The following GFRA1 variants were observed in gnomAD, a reference collection of about 807,000 sequenced individuals.
The protein encoded by GFRA1 is GDNF family receptor alpha 1.
In GFRA1, 16 loss-of-function variants were observed where a neutral mutation model predicts 51.6. The observed-to-expected ratio is 0.31, with a 90% CI of 0.21 to 0.47. GFRA1 has a LOEUF of 0.47. Ranked by LOEUF, GFRA1 falls within the 20% of genes least tolerant of loss-of-function variation. The probability of loss-of-function intolerance (pLI) is 1.00; values close to 1 mark genes in which losing one functional copy is unlikely to be tolerated. For synonymous variants in GFRA1, 270 were observed against 241.3 expected (o/e 1.12, Z -1.10); for missense variants, 530 against 594.3 (o/e 0.89, Z 1.13).
chr10:116,245,944 G>A (rs1967831565), intron 4 of GFRA1, among the ~76,000 whole-genome samples: 1 of 152,148 alleles, frequency 6.6e-6, no homozygotes, highest in Non-Finnish European at 1.5e-5. Context: ...GATAAACAGG[G>A]GAAGCCCAGG....
chr10:116,244,275 T>C (rs1447089366), intron 4 of GFRA1, among the ~76,000 whole-genome samples: 2 of 134,220 alleles, frequency 1.5e-5, no homozygotes, highest in South Asian at 4.7e-4. Context: ...ATAGAAACTA[T>C]AGAAACTTAT....
intron 5 of GFRA1, among the ~76,000 whole-genome samples, chr10:116,169,222 G>A (rs1421046044): frequency 6.6e-6 from 1 of 152,210 alleles, no homozygotes; most frequent in African/African-American, 2.4e-5. Context: ...CCCCTGACTT[G>A]ATGACTAGAG....
chr10:116,178,851 T>A (rs1416793045), intron 5 of GFRA1, among the ~76,000 whole-genome samples: 1 of 152,192 alleles, frequency 6.6e-6, no homozygotes, highest in Non-Finnish European at 1.5e-5. Flanking sequence ...TGGGATCATC[T>A]TCTCTGGGGC....
chr10:116,208,995 T>C (rs146714813), intron 5 of GFRA1, among the ~76,000 whole-genome samples: 2 of 152,286 alleles, frequency 1.3e-5, no homozygotes, highest in East Asian at 3.9e-4. Flanking sequence ...CAATTAAGGC[T>C]CCTTGAAAAC....
chr10:116,090,831 A>C lies in GFRA1; in HGVS notation c.1016-909T>G, dbSNP rs74158566. Among the ~76,000 whole-genome samples the C allele has an allele frequency of 7.9e-3, 1,199 of 152,258 alleles. 16 individuals are homozygous for C. The highest frequency in any genetic ancestry group is 0.027 in the African/African-American group (1,142 of 41,534). On this transcript the variant is annotated intron_variant, in intron 8 of 10. Coordinates refer to ENST00000355422, the MANE Select transcript of GFRA1 (RefSeq NM_005264.8). ...TATGACTCTTAGTTGGCATTTTTCTATATACAAGACAGAATAATTTAAGCC... is the reference window on the plus strand; with the variant it reads ...TATGACTCTTAGTTGGCATTTTTCTCTATACAAGACAGAATAATTTAAGCC...
In GFRA1 at chr10:116,125,404, A is replaced by G; in HGVS notation, c.587T>C (p.Leu196Pro). The change falls in exon 6 of 11, where the codon CTC (leucine) becomes CCC (proline). Residue 196 changes from leucine to proline, a missense_variant. Physicochemically the swap from Leu to Pro is moderately conservative, Grantham distance 98 (BLOSUM62 -3). Coordinates refer to ENST00000355422, the MANE Select transcript of GFRA1 (RefSeq NM_005264.8). Reference sequence around the variant, plus strand: ...CGGGACCTTGTCAAAGAACTGCCGGAGGGCCTTGTGGCACTTGCGGCGGTT... The same window carrying G: ...CGGGACCTTGTCAAAGAACTGCCGGGGGGCCTTGTGGCACTTGCGGCGGTT... ...VCNRRKCHKALRQFFDKVPAK... is the reference protein window; with the variant it reads ...VCNRRKCHKAPRQFFDKVPAK... 1 of 1,614,226 alleles carries G rather than the reference A, an allele frequency of 6.2e-7. No individual in the cohort carries two copies. Among genetic ancestry groups the G allele is most frequent in the Non-Finnish European group, 8.5e-7 (1 of 1,180,048 alleles).
chr10:116,144,057 C>T (rs918297265), intron 5 of GFRA1, among the ~76,000 whole-genome samples: 6 of 152,164 alleles, frequency 3.9e-5, no homozygotes, highest in African/African-American at 1.4e-4. Flanking sequence ...CTGACTCCCA[C>T]ATAGACTGAT....
intron 4 of GFRA1, among the ~76,000 whole-genome samples, chr10:116,226,478 G>A (rs201560776): frequency 8.5e-5 from 13 of 152,142 alleles, no homozygotes; most frequent in Middle Eastern, 3.4e-3. Flanking sequence ...CATGTCATCC[G>A]TGAGGGCATC....
At chr10:116,179,831 C>A (rs1281808090) in intron 5 of GFRA1, among the ~76,000 whole-genome samples, 1 of 152,136 alleles carries the variant, frequency 6.6e-6, no homozygotes, top group Non-Finnish European at 1.5e-5. Flanking sequence ...CGAGCAGATG[C>A]TGTATACAGA....
At chr10:116,146,544 T>C (rs796817231) in intron 5 of GFRA1, among the ~76,000 whole-genome samples, 82 of 152,354 alleles carry the variant, frequency 5.4e-4, no homozygotes, top group African/African-American at 2.0e-3. Flanking sequence ...CTAATCCTGT[T>C]CCTCCATGTC....
chr10:116,272,365 G>A lies in GFRA1; in HGVS notation c.-246-90C>T. The A allele has an allele frequency of 2.3e-6, 1 of 438,720 alleles. No homozygotes were observed. Among genetic ancestry groups the A allele is most frequent in the Non-Finnish European group, 4.2e-6 (1 of 237,778 alleles). The allele number at this position is 438,720 out of a possible 1,614,324, so 27.2% of individuals were successfully genotyped here. Reference sequence around the variant, plus strand: ...TCTCCCCTCCCCCGTTCCCGCCTTTGGGGAATTTCCAACACCGGGGTGAGG... The same window carrying A: ...TCTCCCCTCCCCCGTTCCCGCCTTTAGGGAATTTCCAACACCGGGGTGAGG... On this transcript the variant is annotated intron_variant, in intron 1 of 10. Coordinates refer to ENST00000355422, the MANE Select transcript of GFRA1 (RefSeq NM_005264.8). The surrounding 1 kb of genome is among the most constrained non-coding windows in gnomAD (Gnocchi z 4.4).
chr10:116,223,747 T>C (rs1589886499), intron 4 of GFRA1, among the ~76,000 whole-genome samples: 1 of 152,174 alleles, frequency 6.6e-6, no homozygotes, highest in Non-Finnish European at 1.5e-5. Flanking sequence ...CTTTGCAAAA[T>C]AGAAGGGAAA....
chr10:116,176,831 A>C (rs1206922485), intron 5 of GFRA1, among the ~76,000 whole-genome samples: 5 of 150,460 alleles, frequency 3.3e-5, no homozygotes, highest in Non-Finnish European at 7.4e-5. Context: ...AGTCCTCAGG[A>C]AGTTAACTTC....
rs1039422497 is a variant in GFRA1, at chr10:116,059,540, C to T, written c.*4858G>A. 6.6e-6 allele frequency: 1 copy of T among 152,290 alleles called. No homozygotes were observed. The highest frequency in any genetic ancestry group is 1.9e-4 in the East Asian group (1 of 5,186). 9.4% of individuals were successfully genotyped at this position (152,290 alleles called of 1,614,324 possible). ...TGCGCTGGTCAAATGAGCTTGGAGACCTTAGGGGGCTGAGACCTCAACGAC... is the reference window on the plus strand; with the variant it reads ...TGCGCTGGTCAAATGAGCTTGGAGATCTTAGGGGGCTGAGACCTCAACGAC... On this transcript the variant is annotated 3_prime_UTR_variant, in exon 11 of 11. Coordinates refer to ENST00000355422, the MANE Select transcript of GFRA1 (RefSeq NM_005264.8).
chr10:116,102,207 G>A (rs1956842611), intron 6 of GFRA1, among the ~76,000 whole-genome samples: 1 of 152,152 alleles, frequency 6.6e-6, no homozygotes, highest in Non-Finnish European at 1.5e-5. Context: ...GAAGTGTGGG[G>A]GCTGACTTTA....
At chr10:116,200,917 A>T (rs745707443) in intron 5 of GFRA1, among the ~76,000 whole-genome samples, 8 of 152,246 alleles carry the variant, frequency 5.3e-5, no homozygotes, top group Non-Finnish European at 7.3e-5. Context: ...GCTCATTGAC[A>T]TGCCTGGCAC....
intron 6 of GFRA1, among the ~76,000 whole-genome samples, chr10:116,097,848 C>T (rs941152089): frequency 2.6e-5 from 4 of 152,198 alleles, no homozygotes; most frequent in Non-Finnish European, 5.9e-5. Context: ...TTTCTTGGCA[C>T]ACTTTATGAT....
rs768000593 is a variant in GFRA1, at chr10:116,125,425, C to T, written c.566G>A (p.Arg189His). 72 of 1,614,080 alleles carry T rather than the reference C, an allele frequency of 4.5e-5. No individual in the cohort carries two copies. The highest frequency in any genetic ancestry group is 1.0e-4 in the Admixed American group (6 of 60,004). The stretch of plus-strand genomic sequence containing the variant: ...CCGGAGGGCCTTGTGGCACTTGCGG[C>T]GGTTGCAGACATCGTTGGACACGCT... Reference protein sequence around the residue: ...TTSVSNDVCNRRKCHKALRQF... With the variant: ...TTSVSNDVCNHRKCHKALRQF... Residue 189 changes from arginine (R) to histidine (H), a missense_variant, in exon 6 of 11, where the codon CGC (arginine) becomes CAC (histidine). By Grantham distance (29) the Arg-to-His change is conservative. Transcript: ENST00000355422.
Position 116,057,988 on chromosome 10 carries a change from CA to C in GFRA1, c.*6409del, listed in dbSNP as rs1954618010. On this transcript the variant is annotated 3_prime_UTR_variant, in exon 11 of 11. Coordinates refer to ENST00000355422, the MANE Select transcript of GFRA1 (RefSeq NM_005264.8). The stretch of plus-strand genomic sequence containing the variant: ...ATGCTGGATCATATAGCCCTCCAAT[CA>C]TTGTGTGTGTGTGTGTGTGTGTGTG... The C allele has an allele frequency of 8.3e-6, 1 of 120,704 alleles. No individual in the cohort carries two copies. Among genetic ancestry groups the C allele is most frequent in the African/African-American group, 3.2e-5 (1 of 31,366 alleles). 7.5% of individuals were successfully genotyped at this position (120,704 alleles called of 1,614,324 possible).
Sources: allele counts gnomAD v4.1 joint callset (sites outside exome capture counted in the v4.1 genomes callset), GRCh38; gene constraint gnomAD v4.1.1; non-coding constraint Gnocchi (gnomAD v3.1); transcripts MANE v1.5; gene names NCBI Gene and HGNC (gene_info 2026-07-23, HGNC 2026-07-21).